Variants in BCAS3 observed in about 807,000 individuals in gnomAD.
BCAS3 encodes the protein BCAS4/BCAS3 fusion.
A neutral mutation model predicts 116.1 loss-of-function variants in BCAS3; 53 were observed. That is an observed-to-expected ratio of 0.46 (90% CI 0.37 to 0.57). The LOEUF is 0.57. Among genes scored for constraint, BCAS3 ranks in the 20% least tolerant of loss-of-function variants. The probability of loss-of-function intolerance (pLI) is 0.00; values close to 1 mark genes in which losing one functional copy is unlikely to be tolerated. For missense variants in BCAS3, 917 were observed against 1,165.4 expected (o/e 0.79, Z 3.10); for synonymous variants, 391 against 408.2 (o/e 0.96, Z 0.51).
intron 22 of BCAS3, among the ~76,000 whole-genome samples, chr17:61,127,996 A>G (rs576761504): frequency 6.6e-6 from 1 of 152,150 alleles, no homozygotes; most frequent in African/African-American, 2.4e-5. Context: ...ACTGTATTGC[A>G]TTTGTGTGGC....
chr17:61,319,261 T>A (rs2054996087), intron 22 of BCAS3, among the ~76,000 whole-genome samples: 1 of 152,186 alleles, frequency 6.6e-6, no homozygotes, highest in Non-Finnish European at 1.5e-5. Flanking sequence ...ATTCTGACCC[T>A]TTGAACTTGA....
chr17:60,954,303 T>C (rs1317390614), intron 14 of BCAS3, among the ~76,000 whole-genome samples: 2 of 152,202 alleles, frequency 1.3e-5, no homozygotes, highest in African/African-American at 4.8e-5. Context: ...ACATGATGCC[T>C]CCAGCTTTGT....
chr17:61,271,846 G>C lies in BCAS3; in HGVS notation c.2426-96481G>C, dbSNP rs1339539918. Among the ~76,000 whole-genome samples the C allele has an allele frequency of 2.0e-5, 3 of 152,050 alleles. No individual in the cohort carries two copies. In the South Asian group the frequency reaches 6.2e-4, roughly 31 times the overall value. On this transcript the variant is annotated intron_variant, in intron 22 of 23. Transcript: ENST00000407086. ...TTTTGTTTGAACAAGGTCTCTCTCT[G>C]TTGCCCAGACAGGAGTGCAATGGTG...
At chr17:60,704,347 C>T (rs956915506) in intron 4 of BCAS3, among the ~76,000 whole-genome samples, 1 of 152,136 alleles carries the variant, frequency 6.6e-6, no homozygotes, top group Non-Finnish European at 1.5e-5. Flanking sequence ...CAAATACAGT[C>T]AAGTTTATAA....
In BCAS3 at chr17:61,042,891, C is replaced by CAAAAAAAAAAAAA. The variant is rs35629825; in HGVS notation, c.2029+2011_2029+2023dup. Reference sequence around the variant, plus strand: ...GGCAACAGAGCAAGACTCCATCTCACAAAAAAAAAAAAAAAAAAAAAAAAG... The same window carrying CAAAAAAAAAAAAA: ...GGCAACAGAGCAAGACTCCATCTCACAAAAAAAAAAAAAAAAAAAAAAAAAAAAAAAAAAAAAG... On this transcript the variant is annotated intron_variant, in intron 19 of 23. Transcript: ENST00000407086. 5.8e-4 allele frequency among the ~76,000 whole-genome samples: 34 copies of CAAAAAAAAAAAAA among 58,274 alleles called. 1 individual carries two copies. Among genetic ancestry groups the CAAAAAAAAAAAAA allele is most frequent in the African/African-American group, 1.2e-3 (22 of 18,110 alleles). The allele number at this position is 58,274 out of a possible 152,430, so 38.2% of individuals were successfully genotyped here. A position where few individuals can be genotyped will look rare whatever the true frequency, so the allele number is the denominator to read the frequency against.
intron 22 of BCAS3, among the ~76,000 whole-genome samples, chr17:61,121,290 A>G (rs750935433): frequency 6.6e-6 from 1 of 152,160 alleles, no homozygotes; most frequent in East Asian, 1.9e-4. Context: ...ATCTCATGCT[A>G]ATAATATTTT....
At chr17:60,769,574 G>C (rs1429474638) in intron 6 of BCAS3, among the ~76,000 whole-genome samples, 2 of 152,116 alleles carry the variant, frequency 1.3e-5, no homozygotes, top group African/African-American at 4.8e-5. Context: ...GGGGAAGGGG[G>C]AGGGCCCCCC....
intron 22 of BCAS3, among the ~76,000 whole-genome samples, chr17:61,158,012 T>C (rs1193614898): frequency 6.6e-6 from 1 of 152,234 alleles, no homozygotes; most frequent in African/African-American, 2.4e-5. Flanking sequence ...CATGTATGAC[T>C]AGTTTTCTGT....
At position 60,808,072 on chromosome 17, in the gene BCAS3, T is replaced by C; in HGVS notation, c.472T>C (p.Ser158Pro). 3 of 1,596,658 alleles carry C rather than the reference T, an allele frequency of 1.9e-6. No individual in the cohort carries two copies. The highest frequency in any genetic ancestry group is 2.6e-6 in the Non-Finnish European group (3 of 1,169,524). ...LLGVCKSIGS[S>P]GTSPPYCCVD... ...TGGTGTTTGTAAGAGCATTGGATCT[T>C]CTGGGTAAGGAAATTTTAAAAATTC... Residue 158 changes from serine to proline, a missense_variant, in exon 7 of 24, where the codon TCT becomes CCT. Physicochemically the swap from Ser to Pro is moderately conservative, Grantham distance 74. Around this residue, in one of 3 missense-constraint regions of BCAS3, gnomAD observed 807 missense variants for 1,026.0 expected, o/e 0.79. Transcript: ENST00000407086.
intron 5 of BCAS3, among the ~76,000 whole-genome samples, chr17:60,716,510 C>T (rs1051137583): frequency 6.6e-6 from 1 of 151,936 alleles, no homozygotes; most frequent in East Asian, 1.9e-4. Flanking sequence ...TGGCTCACGC[C>T]TATACTCCCA....
Position 61,161,189 on chromosome 17 carries a change from T to C in BCAS3, c.2425+76625T>C, listed in dbSNP as rs951477006. On this transcript the variant is annotated intron_variant, in intron 22 of 23. Coordinates refer to ENST00000407086, the MANE Select transcript of BCAS3 (RefSeq NM_017679.5). This position sits in a 1 kb window ranked among gnomAD's most constrained non-coding sequence, Gnocchi z 4.8. ...AAAAGTTATTTCATTTTTAGTATAC[T>C]GTATTTCAGCAGCAAGAGTTGCAAT... Among the ~76,000 whole-genome samples, 1 of 152,246 alleles carries C rather than the reference T, an allele frequency of 6.6e-6. No individual in the cohort carries two copies. The highest frequency in any genetic ancestry group is 1.5e-5 in the Non-Finnish European group (1 of 68,042).
intron 7 of BCAS3, among the ~76,000 whole-genome samples, chr17:60,826,454 C>T (rs182422045): frequency 6.6e-6 from 1 of 152,132 alleles, no homozygotes; most frequent in East Asian, 1.9e-4. Flanking sequence ...GGATTACAGG[C>T]GTGAGCCACC....
rs1174807065 is a variant in BCAS3 at position 61,259,283 on chromosome 17, C to T, written c.2426-109044C>T. Reference sequence around the variant, plus strand: ...GCTCACAGAACTAATCTGTGTTGATCTGTCTTCTTCTTGAGGGCACACAGA... The same window carrying T: ...GCTCACAGAACTAATCTGTGTTGATTTGTCTTCTTCTTGAGGGCACACAGA... On this transcript the variant is annotated intron_variant, in intron 22 of 23. Transcript: ENST00000407086. This position sits in a 1 kb window ranked among gnomAD's most constrained non-coding sequence, Gnocchi z 4.7. Among the ~76,000 whole-genome samples, 1 of 152,102 alleles carries T rather than the reference C, an allele frequency of 6.6e-6. No individual in the cohort carries two copies. The highest frequency in any genetic ancestry group is 1.5e-5 in the Non-Finnish European group (1 of 68,008).
chr17:60,893,600 CTTTTTTTTTT>C (rs930873750), intron 10 of BCAS3, among the ~76,000 whole-genome samples: 2 of 82,054 alleles, frequency 2.4e-5, no homozygotes, highest in Admixed American at 2.8e-4. Flanking sequence ...GACCTATGAT[CTTTTTTTTTT>C]TTTTTTTTTT....
rs2063755213 is a variant in BCAS3, at chr17:60,995,135, G to T, written c.1486+4900G>T. 6.6e-6 allele frequency among the ~76,000 whole-genome samples: 1 copy of T among 152,150 alleles called. No homozygotes were observed. The highest frequency in any genetic ancestry group is 6.5e-5 in the Admixed American group (1 of 15,272). On this transcript the variant is annotated intron_variant, in intron 15 of 23. Coordinates refer to ENST00000407086, the MANE Select transcript of BCAS3 (RefSeq NM_017679.5). This position sits in a 1 kb window ranked among gnomAD's most constrained non-coding sequence, Gnocchi z 4.7. ...TGGGATTACAGGTGCGTGCCACCAT[G>T]CCCAGCTAATTCTATTCTATTCTTT...
intron 22 of BCAS3, among the ~76,000 whole-genome samples, chr17:61,096,955 G>A (rs1243018626): frequency 6.6e-6 from 1 of 152,210 alleles, no homozygotes; most frequent in Non-Finnish European, 1.5e-5. Flanking sequence ...TTTCACATAT[G>A]TGGAAGAAAA....
rs898472826 is a variant in BCAS3, at chr17:61,130,335, A to T, written c.2425+45771A>T. The stretch of plus-strand genomic sequence containing the variant: ...CTTCCCAATTAATTATGAGAAATTC[A>T]TCTGTACAATTTTCTTATTAATTCT... On this transcript the variant is annotated intron_variant, in intron 22 of 23. Transcript: ENST00000407086. This position sits in a 1 kb window ranked among gnomAD's most constrained non-coding sequence, Gnocchi z 5.0. Among the ~76,000 whole-genome samples the T allele has an allele frequency of 3.3e-5, 5 of 152,198 alleles. No homozygotes were observed. Among genetic ancestry groups the T allele is most frequent in the African/African-American group, 1.2e-4 (5 of 41,444 alleles).
Position 61,379,873 on chromosome 17 carries a change from C to G in BCAS3, c.2593+11379C>G. The G allele has an allele frequency of 6.5e-6, 1 of 153,226 alleles. No homozygotes were observed. Among genetic ancestry groups the G allele is most frequent in the Non-Finnish European group, 1.5e-5 (1 of 68,816 alleles). 9.5% of individuals were successfully genotyped at this position (153,226 alleles called of 1,614,324 possible). On this transcript the variant is annotated intron_variant, in intron 23 of 23. Transcript: ENST00000407086. The surrounding 1 kb of genome is among the most constrained non-coding windows in gnomAD (Gnocchi z 5.5). ...GCTGTGTTCGTTTTCCTGGAATGTT[C>G]CCATCATCTCCCAGCTCCAGTTGGC...
chr17:61,212,510 A>G (rs2081521177), intron 22 of BCAS3, among the ~76,000 whole-genome samples: 1 of 151,726 alleles, frequency 6.6e-6, no homozygotes, highest in East Asian at 1.9e-4. Context: ...AAATTTTGTT[A>G]TATTAACGAA....
Sources: allele counts gnomAD v4.1 joint callset (sites outside exome capture counted in the v4.1 genomes callset), GRCh38; gene constraint gnomAD v4.1.1; regional missense constraint gnomAD v4.1.1; non-coding constraint Gnocchi (gnomAD v3.1); transcripts MANE v1.5; gene names NCBI Gene and HGNC (gene_info 2026-07-23, HGNC 2026-07-21).